PPM1J: variants seen among roughly 807,000 people sequenced by gnomAD.
The protein encoded by PPM1J is protein phosphatase, Mg2+/Mn2+ dependent 1J.
In PPM1J, 43 loss-of-function variants were observed where a neutral mutation model predicts 53.3. That is an observed-to-expected ratio of 0.81 (90% CI 0.63 to 1.04). PPM1J has a LOEUF of 1.04. Ranked by LOEUF, PPM1J falls within the 50% of genes least tolerant of loss-of-function variation. The pLI is 0.00. For missense variants in PPM1J, 635 were observed against 685.9 expected (o/e 0.93, Z 0.83); for synonymous variants, 267 against 286.4 (o/e 0.93, Z 0.68).
In PPM1J at chr1:112,711,268, G is replaced by C; in HGVS notation, c.1044C>G (p.Gly348=). Residue 348 remains glycine, a splice_region_variant and synonymous_variant, in exon 6 of 10, where the codon GGC becomes GGG. Transcript: ENST00000309276. ...CCCAGCTCTGAGGGAAGTGTTACCA[G>C]CCGGTCATGTTCTGGTCCCGGTACA... ...RMLYRDQNMT[G]WAYKKIELED... 6.2e-7 allele frequency: 1 copy of C among 1,606,070 alleles called. No homozygotes were observed. Among genetic ancestry groups the C allele is most frequent in the Non-Finnish European group, 8.5e-7 (1 of 1,174,018 alleles).
intron 7 of PPM1J, 43 bp downstream of exon 7, chr1:112,710,965 G>A: frequency 6.3e-7 from 1 of 1,597,940 alleles, no homozygotes; most frequent in African/African-American, 1.3e-5. Context: ...GACAAGTTGT[G>A]ATAGGTCCTC....
Position 112,710,594 on chromosome 1 carries a change from C to G in PPM1J, c.1236G>C (p.Leu412=), listed in dbSNP as rs139427271. ...CATCTGGGCAGTGCTCATATTGTGT[C>G]AGGTCATACACTCGTACCTGGTGGG... ...SCFPEVRVYD[L]TQYEHCPDDV... Residue 412 remains leucine (L), a synonymous_variant, in exon 9 of 10, where the codon CTG becomes CTC. Coordinates refer to ENST00000309276, the MANE Select transcript of PPM1J (RefSeq NM_005167.7). The G allele has an allele frequency of 5.6e-6, 9 of 1,614,032 alleles. No homozygotes were observed. The African/African-American group carries it at 1.2e-4, about 22-fold the overall frequency.
At position 112,710,845 on chromosome 1, in the gene PPM1J, C is replaced by T. The variant is rs758143807; in HGVS notation, c.1117G>A (p.Val373Met). ...CGGGTCACCCCAATGGTGGCCATCA[C>T]CCGAGCCTGAAAGAAATGAGGAGGG... The part of the protein sequence containing the change: ...LVCGEGKKAR[V>M]MATIGVTRGL... Residue 373 changes from valine (V) to methionine (M), a missense_variant, in exon 8 of 10, where the codon GTG becomes ATG. Val to Met is a conservative substitution (Grantham distance 21). Coordinates refer to ENST00000309276, the MANE Select transcript of PPM1J (RefSeq NM_005167.7). The T allele has an allele frequency of 7.4e-6, 12 of 1,613,742 alleles. No individual in the cohort carries two copies. The highest frequency in any genetic ancestry group is 1.0e-5 in the Non-Finnish European group (12 of 1,179,824).
chr1:112,714,881 C>G lies in PPM1J; in HGVS notation c.326+95G>C, dbSNP rs955755616. On this transcript the variant is annotated intron_variant, in intron 1 of 9. Coordinates refer to ENST00000309276, the MANE Select transcript of PPM1J (RefSeq NM_005167.7). ...CGGAAAAGGGAGCTCCTGGCCCGGA[C>G]GCGGCGTGGGGAACGCGTCCTAGCG... 1.1e-5 allele frequency: 15 copies of G among 1,317,936 alleles called. No homozygotes were observed. In the African/African-American group the frequency reaches 2.0e-4, roughly 18 times the overall value. 81.6% of individuals were successfully genotyped at this position (1,317,936 alleles called of 1,614,324 possible).
rs558897930 is a variant in PPM1J at position 112,712,615 on chromosome 1, C to G, written c.729+129G>C. 2.0e-3 allele frequency: 2,387 copies of G among 1,169,682 alleles called. 6 individuals are homozygous for G. Among genetic ancestry groups the G allele is most frequent in the Non-Finnish European group, 2.5e-3 (1,994 of 812,766 alleles). 72.5% of individuals were successfully genotyped at this position (1,169,682 alleles called of 1,614,324 possible). On this transcript the variant is annotated intron_variant, in intron 3 of 9. Coordinates refer to ENST00000309276, the MANE Select transcript of PPM1J (RefSeq NM_005167.7). ...GGGGTGTAACTGCCCCTTCTCCCTC[C>G]CCTCTGAACCAAGCTCTGCTCAGGC...
At position 112,712,227 on chromosome 1, in the gene PPM1J, C is replaced by T. The variant is rs1189050268; in HGVS notation, c.842+118G>A. The T allele has an allele frequency of 5.1e-6, 5 of 973,248 alleles. No individual in the cohort carries two copies. In the African/African-American group the frequency reaches 8.1e-5, roughly 16 times the overall value. The allele number at this position is 973,248 out of a possible 1,614,324, so 60.3% of individuals were successfully genotyped here. A position where few individuals can be genotyped will look rare whatever the true frequency, so the allele number is the denominator to read the frequency against. On this transcript the variant is annotated intron_variant, in intron 4 of 9. Coordinates refer to ENST00000309276, the MANE Select transcript of PPM1J (RefSeq NM_005167.7). ...ATTTCAGGCCACTCCTTATGTCTGT[C>T]ACCCCTCTTGACTCCCTCCAATCTT...
chr1:112,712,963 T>C lies in PPM1J; in HGVS notation c.510A>G (p.Ser170=), dbSNP rs1570842733. ...CTCGGATATGGCGATGCAGGAGCCG[T>C]GAGGCCATTTCAGCAGCTCCGCCCC... The part of the protein sequence containing the change: ...HAGGGAAEMA[S]RLLHRHIREQ... The change falls in exon 3 of 10, where the codon TCA becomes TCG. Residue 170 remains serine, a synonymous_variant. Coordinates refer to ENST00000309276, the MANE Select transcript of PPM1J (RefSeq NM_005167.7). The C allele has an allele frequency of 1.2e-6, 2 of 1,613,786 alleles. No individual in the cohort carries two copies. The highest frequency in any genetic ancestry group is 1.7e-6 in the Non-Finnish European group (2 of 1,179,976).
At chr1:112,711,917 G>A (rs76944181) in intron 5 of PPM1J, 54 bp downstream of exon 5, 1 of 1,290,406 alleles carries the variant, frequency 7.7e-7, no homozygotes, top group African/African-American at 1.5e-5. Flanking sequence ...ATGGGGTGCA[G>A]GGAGGCACAA....
rs775117954 is a variant in PPM1J, at chr1:112,711,993, TCA to T, written c.903_904del (p.Glu302AlafsTer18). The T allele has an allele frequency of 5.2e-5, 84 of 1,608,056 alleles. 2 individuals are homozygous for T. In the East Asian group the frequency reaches 1.1e-3, roughly 20 times the overall value. On this transcript the variant is annotated frameshift_variant, in exon 5 of 10. Transcript: ENST00000309276. LOFTEE classifies it high-confidence loss of function. ...TACAAGCAGCTGAAGACGCTGGCGC[TCA>T]GTCTCCGGGGTAAACTCCCGGGACA...
rs1378306423 is a variant in PPM1J, at chr1:112,712,733, C to T, written c.729+11G>A. 1 of 1,597,396 alleles carries T rather than the reference C, an allele frequency of 6.3e-7. No homozygotes were observed. Among genetic ancestry groups the T allele is most frequent in the African/African-American group, 1.3e-5 (1 of 74,712 alleles). On this transcript the variant is annotated intron_variant, in intron 3 of 9. Coordinates refer to ENST00000309276, the MANE Select transcript of PPM1J (RefSeq NM_005167.7). ...TGCCTAGCAGGCTCTTGGCCCAGGTCACCCACTCACCATGAGCTGGAAGGC... is the reference window on the plus strand; with the variant it reads ...TGCCTAGCAGGCTCTTGGCCCAGGTTACCCACTCACCATGAGCTGGAAGGC...
In PPM1J at chr1:112,713,602, A is replaced by G. The variant is rs750793217; in HGVS notation, c.336T>C (p.Asn112=). 1 of 1,613,920 alleles carries G rather than the reference A, an allele frequency of 6.2e-7. No individual in the cohort carries two copies. Among genetic ancestry groups the G allele is most frequent in the African/African-American group, 1.3e-5 (1 of 75,030 alleles). Residue 112 remains asparagine, a synonymous_variant, in exon 2 of 10, where the codon AAT becomes AAC. Transcript: ENST00000309276. ...CCTCATTGTGCCGACTCTTGCCAGC[A>G]TTGATGACCCTGCCAGGCCAGAATG... ...PWSTGYAEVI[N]AGKSRHNEDQ...
chr1:112,711,206 C>CG, intron 6 of PPM1J, 60 bp downstream of exon 6: 2 of 1,477,642 alleles, frequency 1.4e-6, no homozygotes, highest in Non-Finnish European at 1.9e-6. Flanking sequence ...CACCTTGCTG[C>CG]GGGCGAGGGA....
rs1675079329 is a variant in PPM1J, at chr1:112,712,183, CT to C, written c.843-129del. Reference sequence around the variant, plus strand: ...CTTACCCAGACCCCCATATCTGCCCCTGACCCCACCCAATGGATATTTCAGG... The same window carrying C: ...CTTACCCAGACCCCCATATCTGCCCCGACCCCACCCAATGGATATTTCAGG... On this transcript the variant is annotated intron_variant, in intron 4 of 9. Transcript: ENST00000309276. 4.3e-6 allele frequency: 4 copies of C among 938,668 alleles called. No homozygotes were observed. The South Asian group carries it at 4.8e-5, about 11-fold the overall frequency. 58.1% of individuals were successfully genotyped at this position (938,668 alleles called of 1,614,324 possible).
Position 112,712,435 on chromosome 1 carries a change from C to T in PPM1J, c.752G>A (p.Arg251Gln), listed in dbSNP as rs201845248. 8.1e-6 allele frequency: 13 copies of T among 1,613,860 alleles called. No individual in the cohort carries two copies. The highest frequency in any genetic ancestry group is 4.0e-5 in the African/African-American group (3 of 74,990). ...GCCCCCCTCCACTTGGTGGCCACGC[C>T]GCTCCCGGGCCATCTGCTCATCCTG... ...QLMDEQMARERRGHQVEGGCC... is the reference protein window; with the variant it reads ...QLMDEQMAREQRGHQVEGGCC... Residue 251 changes from arginine (R) to glutamine (Q), a missense_variant, in exon 4 of 10, where the codon CGG becomes CAG. Coordinates refer to ENST00000309276, the MANE Select transcript of PPM1J (RefSeq NM_005167.7).
Position 112,712,374 on chromosome 1 carries a change from C to G in PPM1J, c.813G>C (p.Lys271Asn), listed in dbSNP as rs1361272265. The G allele has an allele frequency of 6.2e-7, 1 of 1,613,916 alleles. No homozygotes were observed. Among genetic ancestry groups the G allele is most frequent in the Admixed American group, 1.7e-5 (1 of 59,994 alleles). ...TATCGCCTGCATTGGCCACGTACAC[C>G]TTGCCTAGCAGGTAGATCACAACCA... ...CALVVIYLLGKVYVANAGDSR... is the reference protein window; with the variant it reads ...CALVVIYLLGNVYVANAGDSR... Residue 271 changes from lysine (K) to asparagine (N), a missense_variant, in exon 4 of 10, where the codon AAG (lysine) becomes AAC (asparagine). Transcript: ENST00000309276.
chr1:112,712,283 G>C, intron 4 of PPM1J, 62 bp downstream of exon 4: 1 of 1,319,824 alleles, frequency 7.6e-7, no homozygotes. Flanking sequence ...TTACTCTCCT[G>C]TATTCCCCCA....
At position 112,713,024 on chromosome 1, in the gene PPM1J, C is replaced by A; in HGVS notation, c.449G>T (p.Cys150Phe). 6 of 1,596,498 alleles carry A rather than the reference C, an allele frequency of 3.8e-6. No individual in the cohort carries two copies. Among genetic ancestry groups the A allele is most frequent in the Non-Finnish European group, 5.1e-6 (6 of 1,169,762 alleles). The change falls in exon 3 of 10, where the codon TGC (cysteine) becomes TTC (phenylalanine). Residue 150 changes from cysteine to phenylalanine, a missense_variant. By Grantham distance (205) the Cys-to-Phe change is radical. Transcript: ENST00000309276. ...PREPSRGQGLCFYYWGLFDGH... is the reference protein window; with the variant it reads ...PREPSRGQGLFFYYWGLFDGH... ...ATCAAATAGGCCCCAGTAGTAGAAG[C>A]AGAGTCCCTGGTGGAGGAAAAGTTG...
At chr1:112,711,211 G>A (rs979133491) in intron 6 of PPM1J, 55 bp downstream of exon 6, 52 of 1,486,276 alleles carry the variant, frequency 3.5e-5, no homozygotes, top group East Asian at 2.0e-4. Flanking sequence ...TGCTGCGGGC[G>A]AGGGACTGGT....
In PPM1J at chr1:112,710,765, G is replaced by A; in HGVS notation, c.1197C>T (p.Pro399=). 1.1e-5 allele frequency: 18 copies of A among 1,614,140 alleles called. No homozygotes were observed. The highest frequency in any genetic ancestry group is 1.4e-5 in the Non-Finnish European group (17 of 1,179,982). ...KVCSSTLPIK[P]FLSCFPEVRV... ...TCACCTCAGGGAAGCAGGAGAGAAAGGGCTTGATGGGCAGGGTGGAACTGC... is the reference window on the plus strand; with the variant it reads ...TCACCTCAGGGAAGCAGGAGAGAAAAGGCTTGATGGGCAGGGTGGAACTGC... The change falls in exon 8 of 10, where the codon CCC becomes CCT. Residue 399 remains proline (P), a synonymous_variant. Coordinates refer to ENST00000309276, the MANE Select transcript of PPM1J (RefSeq NM_005167.7).
Sources: gnomAD v4.1 joint callset for allele counts on GRCh38, gnomAD v4.1.1 for gene constraint, MANE v1.5 for transcripts, NCBI Gene and HGNC (gene_info 2026-07-23, HGNC 2026-07-21) for gene names.